Variants in CFAP74 observed in about 807,000 individuals in gnomAD.
The protein encoded by CFAP74 is cilia and flagella associated protein 74, also known as cilia- and flagella-associated protein 74.
In CFAP74, 124 loss-of-function variants were observed where a neutral mutation model predicts 188.9. The ratio of observed to expected loss-of-function variants is 0.66; its 90% confidence interval spans 0.57 to 0.76. CFAP74 has a LOEUF of 0.76. CFAP74 is among the 30% of genes least tolerant of loss of function. The pLI, the probability that CFAP74 is intolerant of heterozygous loss-of-function variation, is 0.00. For missense variants in CFAP74, 2,198 were observed against 2,165.2 expected (o/e 1.02, Z -0.30); for synonymous variants, 956 against 916.7 (o/e 1.04, Z -0.77).
intron 11 of CFAP74, among the ~76,000 whole-genome samples, chr1:1,967,126 G>A (rs920907002): frequency 3.9e-5 from 6 of 152,170 alleles, no homozygotes; most frequent in East Asian, 1.9e-4. Flanking sequence ...GTGAGCCACC[G>A]CGCCTGGCGC....
In CFAP74 at chr1:1,968,518, T is replaced by A; in HGVS notation, c.1245+117A>T. On this transcript the variant is annotated intron_variant, in intron 11 of 38. Coordinates refer to ENST00000682832, the MANE Select transcript of CFAP74 (RefSeq NM_001304360.2). This position sits in a 1 kb window ranked among gnomAD's most constrained non-coding sequence, Gnocchi z 4.3. ...CCACTCAGCGGGCTCAGCAACCCCCTGCAGGTGGCCATGGTGCTGAGGTCC... is the reference window on the plus strand; with the variant it reads ...CCACTCAGCGGGCTCAGCAACCCCCAGCAGGTGGCCATGGTGCTGAGGTCC... The A allele has an allele frequency of 1.2e-6, 1 of 845,898 alleles. No homozygotes were observed. The highest frequency in any genetic ancestry group is 1.9e-6 in the Non-Finnish European group (1 of 518,820). 52.4% of individuals were successfully genotyped at this position (845,898 alleles called of 1,614,324 possible).
rs1157833124 is a variant in CFAP74 at position 1,942,604 on chromosome 1, C to G, written c.2487-448G>C. On this transcript the variant is annotated intron_variant, in intron 21 of 38. Transcript: ENST00000682832. The surrounding 1 kb of genome is among the most constrained non-coding windows in gnomAD (Gnocchi z 4.3). ...GGGGGCCTGGGACGGCCACAGGCCT[C>G]GGTTATGACAGCAGCCTCCAACCCA... 6.6e-6 allele frequency among the ~76,000 whole-genome samples: 1 copy of G among 152,018 alleles called. No homozygotes were observed. The highest frequency in any genetic ancestry group is 1.5e-5 in the Non-Finnish European group (1 of 67,968).
At chr1:1,972,114 T>C (rs1558044494) in intron 8 of CFAP74, 32 bp from the exon 9 acceptor site, 1 of 1,557,184 alleles carries the variant, frequency 6.4e-7, no homozygotes, top group Non-Finnish European at 8.8e-7. Flanking sequence ...TTTTTGAGGC[T>C]CTGTCGCCCA....
At chr1:1,981,352 C>T (rs145779072) in intron 6 of CFAP74, among the ~76,000 whole-genome samples, 116 of 152,302 alleles carry the variant, frequency 7.6e-4, no homozygotes, top group African/African-American at 2.5e-3. Context: ...CGGGACCCAG[C>T]GGGAAAGCGC....
chr1:1,991,634 A>T (rs1038951919), intron 1 of CFAP74, among the ~76,000 whole-genome samples: 1 of 151,928 alleles, frequency 6.6e-6, no homozygotes, highest in Non-Finnish European at 1.5e-5. Context: ...TTGGAATTCC[A>T]TAAGAAAAGA....
intron 1 of CFAP74, among the ~76,000 whole-genome samples, chr1:1,993,974 T>C (rs1364601571): frequency 2.0e-5 from 3 of 149,422 alleles, no homozygotes; most frequent in Non-Finnish European, 4.4e-5. Context: ...AGAGCAAGAC[T>C]CCGTCTCAAA....
rs142272063 is a variant in CFAP74 at position 1,999,730 on chromosome 1, T to G, written c.-20+3971A>C. Among the ~76,000 whole-genome samples the G allele has an allele frequency of 3.0e-3, 459 of 152,090 alleles. 2 individuals carry two copies. The South Asian group carries it at 0.031, about 10-fold the overall frequency. Reference sequence around the variant, plus strand: ...TACTCGGGAGGCTGAGGCAAGAGACTCCTTTGAACCTGGGAGGAGGAGGTT... The same window carrying G: ...TACTCGGGAGGCTGAGGCAAGAGACGCCTTTGAACCTGGGAGGAGGAGGTT... On this transcript the variant is annotated intron_variant, in intron 1 of 38. Coordinates refer to ENST00000682832, the MANE Select transcript of CFAP74 (RefSeq NM_001304360.2).
intron 22 of CFAP74, among the ~76,000 whole-genome samples, chr1:1,940,948 T>C (rs564255906): frequency 6.6e-6 from 1 of 151,674 alleles, no homozygotes; most frequent in Non-Finnish European, 1.5e-5. Context: ...CCATCTCTAC[T>C]AAAAAATACA....
chr1:1,947,877 T>C (rs1171881319), intron 18 of CFAP74, among the ~76,000 whole-genome samples: 1 of 149,326 alleles, frequency 6.7e-6, no homozygotes, highest in Non-Finnish European at 1.5e-5. Context: ...ACCCCTGTTC[T>C]TTTTTTTTTC....
chr1:1,979,185 T>C (rs1296205590), intron 6 of CFAP74, among the ~76,000 whole-genome samples: 7 of 48,124 alleles, frequency 1.5e-4, no homozygotes, highest in East Asian at 1.9e-3. Flanking sequence ...ACAGAACACG[T>C]GTGTCGTGCT....
In CFAP74 at chr1:1,992,504, C is replaced by T. The variant is rs140527333; in HGVS notation, c.-19-1529G>A. On this transcript the variant is annotated intron_variant, in intron 1 of 38. Transcript: ENST00000682832. ...TTTTTTTTTTTTGGAGATGAAGTCT[C>T]GCTCAGTCTCCCAGGCTGGAGTGCA... 3.4e-3 allele frequency among the ~76,000 whole-genome samples: 517 copies of T among 150,380 alleles called. 4 individuals are homozygous for T. The highest frequency in any genetic ancestry group is 0.012 in the African/African-American group (496 of 40,830).
chr1:1,946,011 TGC>T (rs370107774), intron 20 of CFAP74, among the ~76,000 whole-genome samples: 2 of 147,428 alleles, frequency 1.4e-5, no homozygotes, highest in Non-Finnish European at 3.0e-5. Flanking sequence ...TGTGCGGGAC[TGC>T]GTGTGTGCGT....
At chr1:1,948,015 C>T (rs186147461) in intron 18 of CFAP74, among the ~76,000 whole-genome samples, 4 of 152,010 alleles carry the variant, frequency 2.6e-5, no homozygotes, top group Non-Finnish European at 4.4e-5. Flanking sequence ...TGGGATTACA[C>T]GCACCTGCCA....
intron 33 of CFAP74, 146 bp downstream of exon 33, chr1:1,925,637 T>C: frequency 1.2e-6 from 1 of 802,062 alleles, no homozygotes; most frequent in Non-Finnish European, 1.9e-6. Flanking sequence ...AGGCGGCAGC[T>C]GTGTAGAGGA....
At chr1:1,964,866 C>G in intron 13 of CFAP74, 22 bp downstream of exon 13, 1 of 1,613,164 alleles carries the variant, frequency 6.2e-7, no homozygotes. Flanking sequence ...CCGTCCCGTT[C>G]CTGGCCCAGC....
chr1:1,938,259 A>G (rs529815672), intron 25 of CFAP74, among the ~76,000 whole-genome samples: 1,523 of 151,464 alleles, frequency 0.01, 24 homozygotes, highest in African/African-American at 0.034. Context: ...ACTCACACTC[A>G]ACCTTACACA....
chr1:1,990,005 G>A (rs1260207753), intron 2 of CFAP74, among the ~76,000 whole-genome samples: 2 of 150,498 alleles, frequency 1.3e-5, no homozygotes, highest in Non-Finnish European at 2.9e-5. Flanking sequence ...CTGCATGACA[G>A]GTGACGTCAC....
In CFAP74 at chr1:1,946,579, T is replaced by C. The variant is rs897586790; in HGVS notation, c.2242-140A>G. ...CTGGGTGGCCACTTGGCCACAGATG[T>C]CCTGGGCCTGGCCCAGCCCTTGGAG... On this transcript the variant is annotated intron_variant, in intron 19 of 38. Transcript: ENST00000682832. 17 of 1,102,766 alleles carry C rather than the reference T, an allele frequency of 1.5e-5. No homozygotes were observed. The South Asian group carries it at 2.5e-4, about 16-fold the overall frequency. The allele number at this position is 1,102,766 out of a possible 1,614,324, so 68.3% of individuals were successfully genotyped here. A position where few individuals can be genotyped will look rare whatever the true frequency, so the allele number is the denominator to read the frequency against.
Position 1,942,094 on chromosome 1 carries a change from A to G in CFAP74, c.2549T>C (p.Leu850Pro). The G allele has an allele frequency of 6.5e-7, 1 of 1,532,342 alleles. No homozygotes were observed. Among genetic ancestry groups the G allele is most frequent in the Non-Finnish European group, 8.7e-7 (1 of 1,145,456 alleles). 94.9% of individuals were successfully genotyped at this position (1,532,342 alleles called of 1,614,324 possible). The change falls in exon 22 of 39, where the codon CTC (leucine) becomes CCC (proline). Residue 850 changes from leucine (L) to proline (P), a missense_variant. Physicochemically the swap from Leu to Pro is moderately conservative, Grantham distance 98. Coordinates refer to ENST00000682832, the MANE Select transcript of CFAP74 (RefSeq NM_001304360.2). The surrounding 1 kb of genome is among the most constrained non-coding windows in gnomAD (Gnocchi z 4.3). Reference protein sequence around the residue: ...VCKELRAHLELLPKTGYIQAQ... With the variant: ...VCKELRAHLEPLPKTGYIQAQ... ...CTGGATATAGCCTGTCTTGGGCAGGAGCTCCAGGTGGGCCCTCAGCTCCTT... is the reference window on the plus strand; with the variant it reads ...CTGGATATAGCCTGTCTTGGGCAGGGGCTCCAGGTGGGCCCTCAGCTCCTT...
Sources: allele counts gnomAD v4.1 joint callset (sites outside exome capture counted in the v4.1 genomes callset), GRCh38; gene constraint gnomAD v4.1.1; non-coding constraint Gnocchi (gnomAD v3.1); transcripts MANE v1.5; gene names NCBI Gene and HGNC (gene_info 2026-07-23, HGNC 2026-07-21).